The following MCUB variants were observed in gnomAD, a reference collection of about 807,000 sequenced individuals.
MCUB encodes mitochondrial calcium uniporter dominant negative subunit beta.
MCUB carries 46 observed loss-of-function variants against 41.4 expected under a neutral mutation model. That is an observed-to-expected ratio of 1.11 (90% CI 0.88 to 1.42). The LOEUF is 1.42. Among genes scored for constraint, MCUB ranks in the 40% most tolerant of loss-of-function variants. The pLI is 0.00. For missense variants in MCUB, 403 were observed against 404.9 expected, an observed-to-expected ratio of 1.00 and a Z score of 0.04; for synonymous variants, 148 against 148.2, an observed-to-expected ratio of 1.00 and a Z score of 0.01.
At chr4:109,574,272 C>G (rs1726979968) in intron 1 of MCUB, among the ~76,000 whole-genome samples, 1 of 152,120 alleles carries the variant, frequency 6.6e-6, no homozygotes, top group Non-Finnish European at 1.5e-5. Flanking sequence ...TGCTTCCAAG[C>G]AAGGAAATTA....
intron 1 of MCUB, among the ~76,000 whole-genome samples, chr4:109,574,557 C>G (rs1726986787): frequency 1.3e-5 from 2 of 152,172 alleles, no homozygotes; most frequent in Admixed American, 1.3e-4. Context: ...CAGTGGCTCT[C>G]TAGTGTCCTC....
chr4:109,562,473 T>C (rs1260775823), intron 1 of MCUB, among the ~76,000 whole-genome samples: 8 of 152,262 alleles, frequency 5.3e-5, no homozygotes, highest in African/African-American at 9.6e-5. Flanking sequence ...TAGCTAGGAC[T>C]ACTAAACCAT....
intron 1 of MCUB, among the ~76,000 whole-genome samples, chr4:109,565,082 A>G (rs1726739373): frequency 6.6e-6 from 1 of 152,224 alleles, no homozygotes; most frequent in South Asian, 2.1e-4. Flanking sequence ...TAAAGAGTTG[A>G]TTTTTATTTA....
chr4:109,685,740 T>C (rs1338786524), intron 7 of MCUB, among the ~76,000 whole-genome samples: 1 of 152,188 alleles, frequency 6.6e-6, no homozygotes, highest in Non-Finnish European at 1.5e-5. Flanking sequence ...GAAGAATCAT[T>C]ATAGTATTCC....
Position 109,618,952 on chromosome 4 carries a change from T to C in MCUB, c.100-40059T>C, listed in dbSNP as rs1004206086. ...TCAAGTTCATTATTGAACATTAAACTTCTCTCTCTCTCTCTCTCTCTCTCT... is the reference window on the plus strand; with the variant it reads ...TCAAGTTCATTATTGAACATTAAACCTCTCTCTCTCTCTCTCTCTCTCTCT... On this transcript the variant is annotated intron_variant, in intron 1 of 7. Coordinates refer to ENST00000394650, the MANE Select transcript of MCUB (RefSeq NM_017918.5). Among the ~76,000 whole-genome samples the C allele has an allele frequency of 7.0e-5, 9 of 127,736 alleles. No homozygotes were observed. In the East Asian group the frequency reaches 1.7e-3, roughly 24 times the overall value. 83.8% of individuals were successfully genotyped at this position (127,736 alleles called of 152,430 possible).
intron 4 of MCUB, among the ~76,000 whole-genome samples, chr4:109,679,689 C>A (rs1267024909): frequency 1.3e-5 from 2 of 152,094 alleles, no homozygotes; most frequent in African/African-American, 4.8e-5. Context: ...TCTGTGGTAT[C>A]GTGTTATAGA....
intron 1 of MCUB, among the ~76,000 whole-genome samples, chr4:109,630,408 G>A (rs1728449043): frequency 6.6e-6 from 1 of 152,134 alleles, no homozygotes; most frequent in African/African-American, 2.4e-5. Flanking sequence ...GCTGCAGTGA[G>A]CTATGATCAT....
At chr4:109,654,566 G>A (rs548007992) in intron 1 of MCUB, among the ~76,000 whole-genome samples, 172 of 151,946 alleles carry the variant, frequency 1.1e-3, no homozygotes, top group African/African-American at 4.1e-3. Context: ...AGCAGAGATC[G>A]CACCATTGCA....
chr4:109,578,613 C>T (rs1166415215), intron 1 of MCUB, among the ~76,000 whole-genome samples: 1 of 152,118 alleles, frequency 6.6e-6, no homozygotes, highest in African/African-American at 2.4e-5. Context: ...AGTCCTTCTG[C>T]CTCAGTCTCC....
At chr4:109,627,268 G>A (rs1265861316) in intron 1 of MCUB, among the ~76,000 whole-genome samples, 3 of 152,162 alleles carry the variant, frequency 2.0e-5, no homozygotes, top group Non-Finnish European at 4.4e-5. Flanking sequence ...GTATCTGGAA[G>A]CATTTTGGAA....
At chr4:109,683,722 A>G (rs975275653) in intron 5 of MCUB, among the ~76,000 whole-genome samples, 6 of 152,214 alleles carry the variant, frequency 3.9e-5, no homozygotes, top group Non-Finnish European at 7.3e-5. Flanking sequence ...CTTGATGGGC[A>G]TATGGATTCT....
chr4:109,594,763 C>T (rs541311733), intron 1 of MCUB, among the ~76,000 whole-genome samples: 10 of 150,614 alleles, frequency 6.6e-5, no homozygotes, highest in South Asian at 2.1e-4. Flanking sequence ...GAGAGGCCTC[C>T]GGAAAAATTC....
intron 1 of MCUB, among the ~76,000 whole-genome samples, chr4:109,603,653 G>T (rs1727799596): frequency 6.6e-6 from 1 of 151,530 alleles, no homozygotes; most frequent in African/African-American, 2.4e-5. Context: ...TGGGAACTGA[G>T]GAGCGCCTCT....
chr4:109,567,087 G>A (rs938816158), intron 1 of MCUB, among the ~76,000 whole-genome samples: 3 of 136,574 alleles, frequency 2.2e-5, no homozygotes, highest in East Asian at 2.1e-4. Flanking sequence ...AGCCGAGATC[G>A]CATCATTGCA....
intron 1 of MCUB, among the ~76,000 whole-genome samples, chr4:109,590,368 T>C (rs560098480): frequency 2.0e-5 from 3 of 152,334 alleles, no homozygotes; most frequent in African/African-American, 7.2e-5. Flanking sequence ...GAAACACTGA[T>C]GAGAATAGTG....
intron 1 of MCUB, among the ~76,000 whole-genome samples, chr4:109,603,175 C>T (rs566396250): frequency 2.6e-5 from 4 of 152,232 alleles, no homozygotes; most frequent in Non-Finnish European, 5.9e-5. Context: ...GACACGATCT[C>T]GGCTCACTGC....
At chr4:109,637,413 AAAG>A (rs1223408024) in intron 1 of MCUB, among the ~76,000 whole-genome samples, 1 of 152,232 alleles carries the variant, frequency 6.6e-6, no homozygotes, top group Non-Finnish European at 1.5e-5. Flanking sequence ...ACCCAGGGGA[AAAG>A]AAGTCATTAT....
intron 1 of MCUB, among the ~76,000 whole-genome samples, chr4:109,582,582 T>C (rs1268870873): frequency 6.6e-6 from 1 of 151,598 alleles, no homozygotes; most frequent in Non-Finnish European, 1.5e-5. Context: ...AAAAATCCCA[T>C]TTGTCAATTC....
At chr4:109,660,030 A>G (rs1376998789) in intron 2 of MCUB, among the ~76,000 whole-genome samples, 165 bp from the exon 3 acceptor site, 1 of 152,216 alleles carries the variant, frequency 6.6e-6, no homozygotes, top group African/African-American at 2.4e-5. Flanking sequence ...GGTAGGGAAT[A>G]TGTAAACTGT....
Sources: gnomAD v4.1 joint callset for allele counts (sites outside exome capture counted in the v4.1 genomes callset) on GRCh38, gnomAD v4.1.1 for gene constraint, MANE v1.5 for transcripts, NCBI Gene and HGNC (gene_info 2026-07-23, HGNC 2026-07-21) for gene names.